Variants in NARF observed in about 807,000 individuals in gnomAD.
The protein encoded by NARF is iron-only hydrogenase-like protein 2.
Under a neutral mutation model 48.0 loss-of-function variants are expected in NARF, and 41 were observed. That is an observed-to-expected ratio of 0.85 (90% CI 0.66 to 1.11). The LOEUF is 1.11. NARF is among the 50% of genes least tolerant of loss of function. The pLI, the probability that NARF is intolerant of heterozygous loss-of-function variation, is 0.00. For synonymous variants in NARF, 215 were observed against 225.5 expected, an observed-to-expected ratio of 0.95 and a Z score of 0.42; for missense variants, 613 against 590.2, an observed-to-expected ratio of 1.04 and a Z score of -0.40.
intron 8 of NARF, chr17:82,484,102 C>A (rs1334769555): frequency 4.0e-6 from 1 of 252,634 alleles, no homozygotes; most frequent in East Asian, 9.3e-5. Flanking sequence ...CAGCCCCCTT[C>A]TTCCTGAGTG....
chr17:82,462,057 G>C (rs1254525922), intron 2 of NARF, among the ~76,000 whole-genome samples: 1 of 152,216 alleles, frequency 6.6e-6, no homozygotes, highest in Non-Finnish European at 1.5e-5. Context: ...AGATATCTAA[G>C]CCCTGTGAGC....
At chr17:82,485,404 G>T (rs1322927435) in intron 9 of NARF, 93 bp from the exon 10 acceptor site, 7 of 1,431,964 alleles carry the variant, frequency 4.9e-6, no homozygotes, top group Non-Finnish European at 6.7e-6. Flanking sequence ...CTGGGCAACA[G>T]AGCAAGACTC....
chr17:82,489,998 T>A lies in NARF; in HGVS notation c.*1841T>A, dbSNP rs1322159866. The A allele has an allele frequency of 6.6e-6, 1 of 152,228 alleles. No homozygotes were observed. The highest frequency in any genetic ancestry group is 1.5e-5 in the Non-Finnish European group (1 of 68,052). 9.4% of individuals were successfully genotyped at this position (152,228 alleles called of 1,614,324 possible). On this transcript the variant is annotated 3_prime_UTR_variant, in exon 11 of 11. Transcript: ENST00000309794. Reference sequence around the variant, plus strand: ...GCGCGCCACCGCGCCTGGCTAATTGTATTCTTAGTTGAGACGGGTTTCGCC... The same window carrying A: ...GCGCGCCACCGCGCCTGGCTAATTGAATTCTTAGTTGAGACGGGTTTCGCC...
chr17:82,475,889 C>T (rs2043821554), intron 5 of NARF, among the ~76,000 whole-genome samples: 1 of 152,094 alleles, frequency 6.6e-6, no homozygotes, highest in Non-Finnish European at 1.5e-5. Flanking sequence ...ATAAGGAAAT[C>T]AACAAATGTA....
At position 82,488,450 on chromosome 17, in the gene NARF, A is replaced by T; in HGVS notation, c.*293A>T. 2 of 300,888 alleles carry T rather than the reference A, an allele frequency of 6.6e-6. No individual in the cohort carries two copies. Among genetic ancestry groups the T allele is most frequent in the Non-Finnish European group, 1.2e-5 (2 of 161,356 alleles). The allele number at this position is 300,888 out of a possible 1,614,324, so 18.6% of individuals were successfully genotyped here. A position where few individuals can be genotyped will look rare whatever the true frequency, so the allele number is the denominator to read the frequency against. ...GAGTGCAATGGCGCAATCTCAGCTCACTGCAACCTCTGCCTCCCGGGTTCA... is the reference window on the plus strand; with the variant it reads ...GAGTGCAATGGCGCAATCTCAGCTCTCTGCAACCTCTGCCTCCCGGGTTCA... On this transcript the variant is annotated 3_prime_UTR_variant, in exon 11 of 11. Transcript: ENST00000309794.
rs747277665 is a variant in NARF at position 82,468,750 on chromosome 17, A to G, written c.253-14A>G. 4 of 1,612,890 alleles carry G rather than the reference A, an allele frequency of 2.5e-6. No individual in the cohort carries two copies. Among genetic ancestry groups the G allele is most frequent in the East Asian group, 2.2e-5 (1 of 44,862 alleles). On this transcript the variant is annotated splice_polypyrimidine_tract_variant and intron_variant, in intron 3 of 10. Transcript: ENST00000309794. ...AATCAGCAGATACCTAACATTCTCT[A>G]TTTCTCCTTCTAGAAATGTGATACC...
chr17:82,483,626 C>G (rs1340518232), intron 7 of NARF, 90 bp from the exon 8 acceptor site: 4 of 1,235,390 alleles, frequency 3.2e-6, no homozygotes, highest in South Asian at 1.2e-5. Flanking sequence ...GGAGGTCACC[C>G]AGGGTCACTA....
In NARF at chr17:82,468,774, C is replaced by T. The variant is rs773802398; in HGVS notation, c.263C>T (p.Thr88Ile). The T allele has an allele frequency of 1.9e-6, 3 of 1,613,494 alleles. No individual in the cohort carries two copies. The highest frequency in any genetic ancestry group is 3.3e-5 in the Admixed American group (2 of 59,922). Residue 88 changes from threonine (T) to isoleucine (I), a missense_variant, in exon 4 of 11, where the codon ACC (threonine) becomes ATC (isoleucine). By Grantham distance (89) the Thr-to-Ile change is moderately conservative. Coordinates refer to ENST00000309794, the MANE Select transcript of NARF (RefSeq NM_012336.4). Reference protein sequence around the residue: ...RVLNLNKKCDTSKHKVLVVSV... With the variant: ...RVLNLNKKCDISKHKVLVVSV... Reference sequence around the variant, plus strand: ...TATTTCTCCTTCTAGAAATGTGATACCTCAAAGCACAAAGTGCTGGTAGTG... The same window carrying T: ...TATTTCTCCTTCTAGAAATGTGATATCTCAAAGCACAAAGTGCTGGTAGTG...
In NARF at chr17:82,474,135, T is replaced by G. The variant is rs147431499; in HGVS notation, c.520+1437T>G. Among the ~76,000 whole-genome samples the G allele has an allele frequency of 2.0e-3, 300 of 152,270 alleles. 3 individuals carry two copies. Among genetic ancestry groups the G allele is most frequent in the African/African-American group, 7.0e-3 (292 of 41,562 alleles). ...GTTAGAGGCTGCAGTGAGCTATGAC[T>G]CCTCCATTGTACTCCAGCCTGGGCG... On this transcript the variant is annotated intron_variant, in intron 5 of 10. Transcript: ENST00000309794.
chr17:82,460,320 C>T (rs1188250296), intron 2 of NARF: 4 of 316,842 alleles, frequency 1.3e-5, no homozygotes, highest in African/African-American at 8.7e-5. Context: ...CAAAAATTAT[C>T]CAGGTATGGT....
At chr17:82,483,452 T>C in intron 7 of NARF, 1 of 446,676 alleles carries the variant, frequency 2.2e-6, no homozygotes, top group Non-Finnish European at 4.1e-6. Flanking sequence ...GGGAAAATCA[T>C]GGAGAGATTG....
At chr17:82,474,484 T>C (rs776963095) in intron 5 of NARF, among the ~76,000 whole-genome samples, 54 of 152,212 alleles carry the variant, frequency 3.5e-4, no homozygotes, top group Non-Finnish European at 7.3e-5. Context: ...ATGGCTATCC[T>C]GGCAAACAAC....
At chr17:82,464,168 G>A in intron 2 of NARF, 119 bp from the exon 3 acceptor site, 1 of 1,344,902 alleles carries the variant, frequency 7.4e-7, no homozygotes, top group South Asian at 1.4e-5. Flanking sequence ...CACCAGGCCT[G>A]GACCCTGGTA....
intron 3 of NARF, among the ~76,000 whole-genome samples, chr17:82,468,313 T>G (rs1011386938): frequency 5.3e-5 from 8 of 151,318 alleles, no homozygotes; most frequent in Non-Finnish European, 8.8e-5. Flanking sequence ...CTCTGTTTTT[T>G]TTTTTTTTTT....
chr17:82,488,380 C>CTTTT lies in NARF; in HGVS notation c.*233_*236dup. The CTTTT allele has an allele frequency of 4.5e-6, 2 of 448,634 alleles. No homozygotes were observed. The highest frequency in any genetic ancestry group is 7.4e-6 in the Non-Finnish European group (2 of 272,096). 27.8% of individuals were successfully genotyped at this position (448,634 alleles called of 1,614,324 possible). A position where few individuals can be genotyped will look rare whatever the true frequency, so the allele number is the denominator to read the frequency against. On this transcript the variant is annotated 3_prime_UTR_variant, in exon 11 of 11. Transcript: ENST00000309794. The stretch of plus-strand genomic sequence containing the variant: ...GGTGTGGGATTGGAACTTTTTTTTT[C>CTTTT]TTTTTTTTTTTTTGAGACGGAGTCT...
At chr17:82,459,141 C>A (rs1193945500) in intron 1 of NARF, 3 of 1,154,580 alleles carry the variant, frequency 2.6e-6, no homozygotes, top group Non-Finnish European at 3.2e-6. Context: ...GCGGTCGTGG[C>A]GGGAATGATC....
intron 5 of NARF, 144 bp downstream of exon 5, chr17:82,472,842 A>C: frequency 9.6e-7 from 1 of 1,037,764 alleles, no homozygotes; most frequent in Non-Finnish European, 1.3e-6. Flanking sequence ...GGCCTGATTC[A>C]CAGAGGGTGT....
At chr17:82,464,720 C>T (rs574788988) in intron 3 of NARF, among the ~76,000 whole-genome samples, 139 of 152,294 alleles carry the variant, frequency 9.1e-4, no homozygotes, top group Non-Finnish European at 1.5e-3. Context: ...TCAGGTAACA[C>T]GGGTGTTGGT....
At chr17:82,478,972 C>A in intron 6 of NARF, 54 bp downstream of exon 6, 1 of 1,531,388 alleles carries the variant, frequency 6.5e-7, no homozygotes, top group Non-Finnish European at 8.9e-7. Context: ...GACCATGGCA[C>A]AGGGGCCCAG....
Sources: gnomAD v4.1 joint callset for allele counts (sites outside exome capture counted in the v4.1 genomes callset) on GRCh38, gnomAD v4.1.1 for gene constraint, MANE v1.5 for transcripts, NCBI Gene and HGNC (gene_info 2026-07-23, HGNC 2026-07-21) for gene names.